Variants in SLC9B1 observed in about 807,000 individuals in gnomAD.
SLC9B1 encodes the protein solute carrier family 9 member B1, also known as sodium/hydrogen exchanger 9B1.
In SLC9B1, 32 loss-of-function variants were observed where a neutral mutation model predicts 51.7. The ratio of observed to expected loss-of-function variants is 0.62; its 90% CI spans 0.47 to 0.83. The LOEUF (loss-of-function observed/expected upper bound fraction) is 0.83. Among genes scored for constraint, SLC9B1 ranks in the 40% least tolerant of loss-of-function variants. The pLI, the probability that SLC9B1 is intolerant of heterozygous loss-of-function variation, is 0.00. For synonymous variants in SLC9B1, 145 were observed against 212.7 expected (o/e 0.68, Z 2.77); for missense variants, 406 against 613.2 (o/e 0.66, Z 3.57).
chr4:102,983,403 T>C (rs1739457226), intron 3 of SLC9B1, among the ~76,000 whole-genome samples: 1 of 152,174 alleles, frequency 6.6e-6, no homozygotes, highest in African/African-American at 2.4e-5. Context: ...GCTGACCTTA[T>C]AGAATAAATT....
Position 102,946,768 on chromosome 4 carries a change from G to A in SLC9B1, c.404C>T (p.Thr135Met), listed in dbSNP as rs768666098. 1.4e-5 allele frequency: 22 copies of A among 1,597,102 alleles called. No individual in the cohort carries two copies. Among genetic ancestry groups the A allele is most frequent in the South Asian group, 5.7e-5 (5 of 87,452 alleles). Residue 135 changes from threonine to methionine, a missense_variant, in exon 5 of 12, where the codon ACG becomes ATG. Transcript: ENST00000296422. ...ATTGATGAATGGAACATTCCTAATC[G>A]TAAAACCAGCCAGTAACATCCCTTA... is the stretch of plus-strand genomic sequence containing the variant. ...PLLGMLLAGF[T>M]IRNVPFINEH...
At chr4:102,889,511 TGAG>T (rs769899852) in intron 11 of SLC9B1, 5 of 152,248 alleles carry the variant, frequency 3.3e-5, no homozygotes, top group East Asian at 3.8e-4. Flanking sequence ...TTACTAAAAA[TGAG>T]GAGACTAAAA....
At chr4:102,984,442 G>C (rs1739513870) in intron 3 of SLC9B1, among the ~76,000 whole-genome samples, 1 of 152,104 alleles carries the variant, frequency 6.6e-6, no homozygotes, top group Non-Finnish European at 1.5e-5. Flanking sequence ...CCTTTCTCTT[G>C]AGAGTTCTTT....
chr4:102,934,066 C>T (rs1374589828), intron 6 of SLC9B1, among the ~76,000 whole-genome samples: 4 of 152,184 alleles, frequency 2.6e-5, no homozygotes, highest in South Asian at 2.1e-4. Context: ...CCACCATGCC[C>T]GGCCAAAGCC....
intron 3 of SLC9B1, among the ~76,000 whole-genome samples, chr4:102,966,210 A>G (rs1168327906): frequency 1.3e-5 from 2 of 152,092 alleles, no homozygotes; most frequent in Non-Finnish European, 2.9e-5. Context: ...GGCAGCTCCA[A>G]CCCTACATTT....
At chr4:102,926,619 T>C (rs201462007) in intron 7 of SLC9B1, among the ~76,000 whole-genome samples, 3 of 152,206 alleles carry the variant, frequency 2.0e-5, no homozygotes, top group East Asian at 1.9e-4. Flanking sequence ...AATTGAAGAA[T>C]ATTCCATGCT....
chr4:102,920,016 C>T (rs541970252), intron 7 of SLC9B1, among the ~76,000 whole-genome samples: 6 of 152,362 alleles, frequency 3.9e-5, no homozygotes, highest in Admixed American at 2.0e-4. Context: ...CAAACTTAAA[C>T]GTCCCTGTCT....
At chr4:102,966,620 G>A (rs1298176578) in intron 3 of SLC9B1, among the ~76,000 whole-genome samples, 1 of 152,174 alleles carries the variant, frequency 6.6e-6, no homozygotes, top group African/African-American at 2.4e-5. Flanking sequence ...GTGATGCATG[G>A]ATTCTGTCTC....
chr4:102,891,960 T>C (rs1363325738), intron 11 of SLC9B1: 2 of 152,232 alleles, frequency 1.3e-5, no homozygotes, highest in Non-Finnish European at 1.5e-5. Flanking sequence ...GTTTTAACTA[T>C]GCTTCATCAT....
chr4:102,986,059 T>G (rs1043084970), intron 3 of SLC9B1, among the ~76,000 whole-genome samples: 6 of 152,160 alleles, frequency 3.9e-5, no homozygotes, highest in African/African-American at 7.2e-5. Flanking sequence ...TCGAATATTC[T>G]TCCTTTTTTA....
In SLC9B1 at chr4:102,957,501, C is replaced by G. The variant is rs547028744; in HGVS notation, c.212-8074G>C. Among the ~76,000 whole-genome samples the G allele has an allele frequency of 1.0e-3, 157 of 152,036 alleles. 2 individuals carry two copies. The highest frequency in any genetic ancestry group is 3.8e-3 in the African/African-American group (156 of 41,504). On this transcript the variant is annotated intron_variant, in intron 3 of 11. Transcript: ENST00000296422. ...CATTTTTATCTGAAAAAAATGGAGG[C>G]CTTATGAAGCGACATTTCAAAAGTG...
intron 6 of SLC9B1, among the ~76,000 whole-genome samples, chr4:102,940,052 G>GAAGCC (rs1388422664): frequency 6.6e-6 from 1 of 152,154 alleles, no homozygotes; most frequent in East Asian, 1.9e-4. Context: ...AGGAAGAATG[G>GAAGCC]AAGCCAAACT....
chr4:102,943,144 A>T (rs1053145580), intron 6 of SLC9B1, among the ~76,000 whole-genome samples: 18 of 147,712 alleles, frequency 1.2e-4, no homozygotes, highest in African/African-American at 4.6e-4. Flanking sequence ...CACTCCTCCA[A>T]GAATAGCCAT....
intron 3 of SLC9B1, among the ~76,000 whole-genome samples, chr4:102,956,194 G>T (rs1737804616): frequency 2.0e-5 from 3 of 152,204 alleles, no homozygotes; most frequent in South Asian, 4.1e-4. Flanking sequence ...AACTCCACAG[G>T]AGATGATTCC....
intron 9 of SLC9B1, among the ~76,000 whole-genome samples, chr4:102,907,639 GA>G (rs2110428674): frequency 6.6e-6 from 1 of 152,274 alleles, no homozygotes; most frequent in Admixed American, 6.5e-5. Context: ...TCTTCTCCAG[GA>G]ATTTGGATGA....
intron 1 of SLC9B1, among the ~76,000 whole-genome samples, chr4:103,004,478 G>A (rs1349033949): frequency 6.6e-6 from 1 of 152,132 alleles, no homozygotes; most frequent in East Asian, 1.9e-4. Flanking sequence ...AGAAAGAGAG[G>A]GAGAAAGAGT....
At chr4:102,979,608 G>A (rs1262111122) in intron 3 of SLC9B1, among the ~76,000 whole-genome samples, 2 of 152,132 alleles carry the variant, frequency 1.3e-5, no homozygotes, top group Non-Finnish European at 2.9e-5. Flanking sequence ...TCTTACTTGG[G>A]GGAAGCACTG....
chr4:102,951,552 T>C (rs1416537229), intron 3 of SLC9B1, among the ~76,000 whole-genome samples: 2 of 151,372 alleles, frequency 1.3e-5, no homozygotes, highest in East Asian at 1.9e-4. Context: ...AATAATTAAA[T>C]AGAACATCTA....
rs189237953 is a variant in SLC9B1 at position 102,886,226 on chromosome 4, C to T, written c.1333-898G>A. Among the ~76,000 whole-genome samples, 827 of 152,276 alleles carry T rather than the reference C, an allele frequency of 5.4e-3. 4 individuals carry two copies. The highest frequency in any genetic ancestry group is 0.014 in the African/African-American group (580 of 41,566). On this transcript the variant is annotated intron_variant, in intron 11 of 11. Transcript: ENST00000394789. ...CACGCAGGCCAGGCGCGGTGGCTCA[C>T]GCCTGTAATCCCAGCACTTTGGGAG... is the stretch of plus-strand genomic sequence containing the variant.
Sources: allele counts gnomAD v4.1 joint callset (sites outside exome capture counted in the v4.1 genomes callset), GRCh38; gene constraint gnomAD v4.1.1; transcripts MANE v1.5; gene names NCBI Gene and HGNC (gene_info 2026-07-23, HGNC 2026-07-21).